The following GLIS3 variants were observed in gnomAD, a reference collection of about 807,000 sequenced individuals.
GLIS3 encodes the protein GLIS family zinc finger 3.
A neutral mutation model predicts 78.6 loss-of-function variants in GLIS3; 53 were observed. The ratio of observed to expected loss-of-function variants is 0.67; its 90% CI spans 0.54 to 0.85. GLIS3 has a LOEUF of 0.85. GLIS3 is among the 40% of genes least tolerant of loss of function. GLIS3 has a pLI of 0.00. For missense variants in GLIS3, 1,703 were observed against 1,231.1 expected, an observed-to-expected ratio of 1.38 and a Z score of -5.74; for synonymous variants, 684 against 509.9, an observed-to-expected ratio of 1.34 and a Z score of -4.60.
chr9:4,352,761 G>C (rs1260122942), upstream of GLIS3, among the ~76,000 whole-genome samples: 1 of 152,244 alleles, frequency 6.6e-6, no homozygotes, highest in African/African-American at 2.4e-5. Flanking sequence ...ACAATACTTG[G>C]ATGGAGAGAT....
chr9:4,195,948 T>G (rs1818798202), intron 2 of GLIS3, among the ~76,000 whole-genome samples: 2 of 151,554 alleles, frequency 1.3e-5, no homozygotes, highest in Admixed American at 6.6e-5. Context: ...GGTTTGTAAA[T>G]GCACCAATCA....
rs569363024 is a variant in GLIS3, at chr9:4,337,876, G to C, written n.264+9205C>G. On this transcript the variant is annotated intron_variant and non_coding_transcript_variant, in intron 2 of 4. Transcript: ENST00000471664. ...TATGAGGCAACTATTACCCCCATTT[G>C]AAAGATGAAGAAACTGGGGTTCAAA... Among the ~76,000 whole-genome samples the C allele has an allele frequency of 3.9e-5, 6 of 152,160 alleles. No individual in the cohort carries two copies. The East Asian group carries it at 1.2e-3, about 29-fold the overall frequency.
At chr9:3,994,563 G>C (rs1343447936) in intron 4 of GLIS3, among the ~76,000 whole-genome samples, 1 of 152,090 alleles carries the variant, frequency 6.6e-6, no homozygotes, top group Non-Finnish European at 1.5e-5. Flanking sequence ...ATATGTTTTT[G>C]AGTTTTTGCA....
At chr9:4,362,061 CTTA>C in the GLIS3 span, among the ~76,000 whole-genome samples, 1 of 152,228 alleles carries the variant, frequency 6.6e-6, no homozygotes, top group African/African-American at 2.4e-5. Context: ...GATAAATCTA[CTTA>C]CAAAATATTG....
chr9:4,257,586 T>TTGTTGTTGTTGTTGTTG (rs376998444), intron 2 of GLIS3, among the ~76,000 whole-genome samples: 53,268 of 150,190 alleles, frequency 0.35, 9,746 homozygotes, highest in East Asian at 0.5. Context: ...GTTGTTGTTA[T>TTGTTGTTGTTGTTGTTG]TTTTTGAGAC....
rs141365057 is a variant in GLIS3, at chr9:4,127,883, T to A, written c.389-1942A>T. On this transcript the variant is annotated intron_variant, in intron 2 of 10. Transcript: ENST00000381971. ...TCTATCTACCTCTAAAACAAAGATA[T>A]AGCAGCTGGAACAGCATCCAAGGAA... is the stretch of plus-strand genomic sequence containing the variant. 2.0e-3 allele frequency among the ~76,000 whole-genome samples: 310 copies of A among 152,304 alleles called. 1 individual carries two copies. Among genetic ancestry groups the A allele is most frequent in the Non-Finnish European group, 3.6e-3 (245 of 68,028 alleles).
At chr9:4,324,511 T>G (rs1315505371) in intron 2 of GLIS3, among the ~76,000 whole-genome samples, 1 of 152,170 alleles carries the variant, frequency 6.6e-6, no homozygotes, top group African/African-American at 2.4e-5. Flanking sequence ...CAATACACAT[T>G]AGTTACATTA....
At chr9:4,441,058 T>A in the GLIS3 span, among the ~76,000 whole-genome samples, 1 of 152,198 alleles carries the variant, frequency 6.6e-6, no homozygotes, top group African/African-American at 2.4e-5. Flanking sequence ...TTTGGCACAG[T>A]CTTTAGGGTT....
rs370887142 is a variant in GLIS3, at chr9:4,176,815, G to C, written c.389-50874C>G. 5.3e-5 allele frequency among the ~76,000 whole-genome samples: 8 copies of C among 152,306 alleles called. No homozygotes were observed. In the South Asian group the frequency reaches 1.0e-3, roughly 20 times the overall value. On this transcript the variant is annotated intron_variant, in intron 2 of 10. Coordinates refer to ENST00000381971, the MANE Select transcript of GLIS3 (RefSeq NM_001042413.2). ...ATTTTTGTATTTTTAGTAGACATGG[G>C]GTTTCACCACATTGGCCAGGCTGGT... is the stretch of plus-strand genomic sequence containing the variant.
the GLIS3 span, among the ~76,000 whole-genome samples, chr9:4,359,025 G>C: frequency 6.6e-6 from 1 of 152,154 alleles, no homozygotes; most frequent in Non-Finnish European, 1.5e-5. Context: ...ATGGTGGCTT[G>C]TAGAGGCAGA....
At chr9:4,461,385 GA>G in the GLIS3 span, among the ~76,000 whole-genome samples, 3 of 152,084 alleles carry the variant, frequency 2.0e-5, no homozygotes, top group Non-Finnish European at 4.4e-5. Flanking sequence ...TCTTCTCACA[GA>G]GCCTTAAAAT....
chr9:3,946,358 C>T (rs188839093), intron 4 of GLIS3, among the ~76,000 whole-genome samples: 1 of 152,262 alleles, frequency 6.6e-6, no homozygotes, highest in Admixed American at 6.5e-5. Flanking sequence ...AGAAAATGAA[C>T]TCCTTGTAAG....
intron 2 of GLIS3, among the ~76,000 whole-genome samples, chr9:4,199,687 T>C (rs1057487147): frequency 6.6e-6 from 1 of 151,856 alleles, no homozygotes; most frequent in Non-Finnish European, 1.5e-5. Context: ...AAAAAAGACT[T>C]AGAGAGCATT....
chr9:4,396,679 T>A, the GLIS3 span, among the ~76,000 whole-genome samples: 1 of 152,168 alleles, frequency 6.6e-6, no homozygotes, highest in Non-Finnish European at 1.5e-5. Flanking sequence ...TGATGAGAGG[T>A]AAGTAGCCCC....
At chr9:4,379,535 G>A in the GLIS3 span, among the ~76,000 whole-genome samples, 54 of 152,308 alleles carry the variant, frequency 3.5e-4, no homozygotes, top group Non-Finnish European at 6.6e-4. Context: ...ATGCTTATAA[G>A]ATGTTTTTAG....
chr9:4,392,580 C>G, the GLIS3 span, among the ~76,000 whole-genome samples: 1 of 152,112 alleles, frequency 6.6e-6, no homozygotes, highest in East Asian at 1.9e-4. Context: ...TAACAGGTGA[C>G]AGTTCCAGCT....
At position 4,108,815 on chromosome 9, in the gene GLIS3, C is replaced by T. The variant is rs372253013; in HGVS notation, c.1710+8953G>A. On this transcript the variant is annotated intron_variant, in intron 4 of 10. Coordinates refer to ENST00000381971, the MANE Select transcript of GLIS3 (RefSeq NM_001042413.2). ...GCAAGGATCCAGGACCAATCAGATG[C>T]CCTCTCTAGAACATTCTGAATGCCT... Among the ~76,000 whole-genome samples the T allele has an allele frequency of 7.2e-5, 11 of 152,146 alleles. No individual in the cohort carries two copies. In the East Asian group the frequency reaches 9.6e-4, roughly 13 times the overall value.
rs190549871 is a variant in GLIS3, at chr9:3,873,792, C to G, written c.2297+5635G>C. Among the ~76,000 whole-genome samples the G allele has an allele frequency of 2.6e-5, 4 of 152,206 alleles. No individual in the cohort carries two copies. The East Asian group carries it at 7.7e-4, about 29-fold the overall frequency. On this transcript the variant is annotated intron_variant, in intron 8 of 10. Coordinates refer to ENST00000381971, the MANE Select transcript of GLIS3 (RefSeq NM_001042413.2). Reference sequence around the variant, plus strand: ...TAGCAATGCTATATCTGAAATAATACATTATGGGTGAAAAGAGGAAGCCTT... The same window carrying G: ...TAGCAATGCTATATCTGAAATAATAGATTATGGGTGAAAAGAGGAAGCCTT...
the GLIS3 span, among the ~76,000 whole-genome samples, chr9:4,481,222 G>A: frequency 6.9e-4 from 105 of 152,184 alleles, no homozygotes; most frequent in African/African-American, 2.4e-3. Context: ...GGTGGCTCAT[G>A]CCTGTAATCC....
Sources: allele counts gnomAD v4.1 joint callset (sites outside exome capture counted in the v4.1 genomes callset), GRCh38; gene constraint gnomAD v4.1.1; transcripts MANE v1.5; gene names NCBI Gene and HGNC (gene_info 2026-07-23, HGNC 2026-07-21).